The following NECTIN2 variants were observed in gnomAD, a reference collection of about 807,000 sequenced individuals.
NECTIN2 encodes the protein nectin-2.
NECTIN2 carries 23 observed loss-of-function variants against 56.9 expected under a neutral mutation model. That is an observed-to-expected ratio of 0.40 (90% CI 0.29 to 0.57). The LOEUF (loss-of-function observed/expected upper bound fraction) is 0.57. Among genes scored for constraint, NECTIN2 ranks in the 20% least tolerant of loss-of-function variants. The pLI is 0.38. For missense variants in NECTIN2, 587 were observed against 718.3 expected, an observed-to-expected ratio of 0.82 and a Z score of 2.09; for synonymous variants, 302 against 313.8, an observed-to-expected ratio of 0.96 and a Z score of 0.40.
chr19:44,883,526 C>T (rs546683646), intron 6 of NECTIN2, among the ~76,000 whole-genome samples: 2 of 152,320 alleles, frequency 1.3e-5, no homozygotes, highest in East Asian at 1.9e-4. Context: ...CCACCCGCCT[C>T]GGCCTCCCAA....
At chr19:44,883,848 G>C (rs552788733) in intron 6 of NECTIN2, among the ~76,000 whole-genome samples, 2 of 151,954 alleles carry the variant, frequency 1.3e-5, no homozygotes, top group African/African-American at 2.4e-5. Flanking sequence ...GACTGGGCAC[G>C]GTGCCTCACA....
intron 5 of NECTIN2, chr19:44,878,817 G>T: frequency 7.2e-7 from 1 of 1,384,788 alleles, no homozygotes. Flanking sequence ...TGCATGGGGA[G>T]CCCGGGGAGC....
At chr19:44,866,133 C>A (rs1475507278) in intron 2 of NECTIN2, among the ~76,000 whole-genome samples, 3 of 151,666 alleles carry the variant, frequency 2.0e-5, no homozygotes, top group African/African-American at 7.3e-5. Context: ...GATTGTGCCA[C>A]CACTGCACTC....
At chr19:44,849,517 C>T (rs938982028) in intron 1 of NECTIN2, among the ~76,000 whole-genome samples, 11 of 152,046 alleles carry the variant, frequency 7.2e-5, no homozygotes, top group Admixed American at 2.0e-4. Context: ...CTGCCTGGGA[C>T]GCTGTTACAT....
At chr19:44,851,116 A>G (rs1279211122) in intron 1 of NECTIN2, among the ~76,000 whole-genome samples, 1 of 129,622 alleles carries the variant, frequency 7.7e-6, no homozygotes, top group Non-Finnish European at 1.6e-5. Context: ...CCTCAGACCC[A>G]GGAGTCCAGG....
Position 44,865,302 on chromosome 19 carries a change from C to T in NECTIN2, c.120C>T (p.Pro40=), listed in dbSNP as rs577471280. Residue 40 remains proline, a synonymous_variant, in exon 2 of 9, where the codon CCC becomes CCT. Transcript: ENST00000252483. This position sits in a 1 kb window ranked among gnomAD's most constrained non-coding sequence, Gnocchi z 5.2. ...AGGATGTGCGAGTTCAAGTGCTACC[C>T]GAGGTGCGAGGCCAGCTCGGGGGCA... ...GAQDVRVQVL[P]EVRGQLGGTV... 38 of 1,613,460 alleles carry T rather than the reference C, an allele frequency of 2.4e-5. No homozygotes were observed. Among genetic ancestry groups the T allele is most frequent in the South Asian group, 6.6e-5 (6 of 91,030 alleles).
At chr19:44,854,616 T>C (rs1352144558) in intron 1 of NECTIN2, among the ~76,000 whole-genome samples, 6 of 151,630 alleles carry the variant, frequency 4.0e-5, no homozygotes, top group East Asian at 2.0e-4. Context: ...AGTCCGAGAC[T>C]AGCCTGGCTG....
chr19:44,887,264 G>A (rs755651197), intron 8 of NECTIN2, among the ~76,000 whole-genome samples: 6 of 152,080 alleles, frequency 3.9e-5, no homozygotes, highest in Middle Eastern at 6.8e-3. Flanking sequence ...CAGGAGAATC[G>A]CTTGGACCCA....
chr19:44,850,939 G>C (rs568382797), intron 1 of NECTIN2, among the ~76,000 whole-genome samples: 2 of 152,244 alleles, frequency 1.3e-5, no homozygotes, highest in East Asian at 1.9e-4. Context: ...ATAGATCTGC[G>C]GGGGAAGCCA....
At chr19:44,884,297 G>A (rs1969337458) in intron 6 of NECTIN2, among the ~76,000 whole-genome samples, 1 of 151,970 alleles carries the variant, frequency 6.6e-6, no homozygotes, top group African/African-American at 2.4e-5. Context: ...AAGTAAATGG[G>A]ACCACGTACC....
chr19:44,853,789 T>A (rs1968930930), intron 1 of NECTIN2, among the ~76,000 whole-genome samples: 1 of 152,096 alleles, frequency 6.6e-6, no homozygotes, highest in South Asian at 2.1e-4. Flanking sequence ...GCCCAGGGAT[T>A]TTAGAACCTC....
chr19:44,853,430 C>T (rs1413570498), intron 1 of NECTIN2, among the ~76,000 whole-genome samples: 12 of 150,978 alleles, frequency 7.9e-5, no homozygotes, highest in Non-Finnish European at 1.6e-4. Flanking sequence ...CTCCTGACCT[C>T]GTGATCTGCC....
In NECTIN2 at chr19:44,888,387, T is replaced by A. The variant is rs763093260; in HGVS notation, c.*8T>A. On this transcript the variant is annotated 3_prime_UTR_variant, in exon 9 of 9. Transcript: ENST00000252483. ...CGGGCCATGTATGTGTGAGCTGCCA[T>A]GCGCCTGGCGTCTCACATCTCACCT... 6.2e-7 allele frequency: 1 copy of A among 1,605,942 alleles called. No individual in the cohort carries two copies. The highest frequency in any genetic ancestry group is 1.7e-5 in the Admixed American group (1 of 59,842).
At chr19:44,876,993 C>G (rs776161109) in intron 5 of NECTIN2, among the ~76,000 whole-genome samples, 5 of 152,184 alleles carry the variant, frequency 3.3e-5, no homozygotes, top group Non-Finnish European at 7.3e-5. Context: ...TCAACCTGGT[C>G]CAGTTAGTGA....
At chr19:44,873,695 T>C (rs1020958857) in intron 3 of NECTIN2, among the ~76,000 whole-genome samples, 1 of 152,090 alleles carries the variant, frequency 6.6e-6, no homozygotes, top group African/African-American at 2.4e-5. Context: ...CTGCCAGCAC[T>C]GAACAATAAC....
chr19:44,874,499 G>A lies in NECTIN2; in HGVS notation c.1042+21G>A, dbSNP rs766656811. ...CCGAGGTGAGTGGGTCTTGGGGGCCGTGTGTGGAGACCTGGGTCCGCTCCC... is the reference window on the plus strand; with the variant it reads ...CCGAGGTGAGTGGGTCTTGGGGGCCATGTGTGGAGACCTGGGTCCGCTCCC... On this transcript the variant is annotated intron_variant, in intron 5 of 8. Transcript: ENST00000252483. This position sits in a 1 kb window ranked among gnomAD's most constrained non-coding sequence, Gnocchi z 6.3. 21 of 1,610,994 alleles carry A rather than the reference G, an allele frequency of 1.3e-5. No homozygotes were observed. Among genetic ancestry groups the A allele is most frequent in the East Asian group, 2.2e-5 (1 of 44,866 alleles).
intron 1 of NECTIN2, among the ~76,000 whole-genome samples, chr19:44,864,020 C>A (rs954802902): frequency 6.6e-6 from 1 of 151,532 alleles, no homozygotes; most frequent in Admixed American, 6.6e-5. Context: ...ATTCCCCCCC[C>A]CCAAAAAAAA....
In NECTIN2 at chr19:44,872,255, A is replaced by G; in HGVS notation, c.775+106A>G. 2.4e-6 allele frequency: 3 copies of G among 1,253,950 alleles called. No individual in the cohort carries two copies. In the South Asian group the frequency reaches 4.3e-5, roughly 18 times the overall value. The allele number at this position is 1,253,950 out of a possible 1,614,324, so 77.7% of individuals were successfully genotyped here. A position where few individuals can be genotyped will look rare whatever the true frequency, so the allele number is the denominator to read the frequency against. On this transcript the variant is annotated intron_variant, in intron 3 of 8. Transcript: ENST00000252483. The stretch of plus-strand genomic sequence containing the variant: ...AATGTTGTCTACGTGGGTTCCCTGA[A>G]GCCAAATTCTGCACTACCTTCCTGC...
chr19:44,878,113 C>T (rs1969261251), intron 5 of NECTIN2: 1 of 599,118 alleles, frequency 1.7e-6, no homozygotes, highest in Non-Finnish European at 3.0e-6. Flanking sequence ...CCCGCTCCCT[C>T]CATCCCCGCC....
Sources: allele counts gnomAD v4.1 joint callset (sites outside exome capture counted in the v4.1 genomes callset), GRCh38; gene constraint gnomAD v4.1.1; non-coding constraint Gnocchi (gnomAD v3.1); transcripts MANE v1.5; gene names NCBI Gene and HGNC (gene_info 2026-07-23, HGNC 2026-07-21).